Variants in PTPRM observed in about 807,000 individuals in gnomAD.
The protein encoded by PTPRM is receptor-type tyrosine-protein phosphatase mu.
A neutral mutation model predicts 186.7 loss-of-function variants in PTPRM; 47 were observed. The observed-to-expected ratio is 0.25, with a 90% CI of 0.20 to 0.32. The LOEUF is 0.32. Among genes scored for constraint, PTPRM ranks in the 10% least tolerant of loss-of-function variants. The pLI is 1.00. For missense variants in PTPRM, 1,494 were observed against 1,865.0 expected (o/e 0.80, Z 3.66); for synonymous variants, 668 against 674.9 (o/e 0.99, Z 0.16).
At chr18:8,031,053 G>A (rs1422396456) in intron 7 of PTPRM, among the ~76,000 whole-genome samples, 1 of 151,984 alleles carries the variant, frequency 6.6e-6, no homozygotes, top group African/African-American at 2.4e-5. Flanking sequence ...CTTGGAAAAC[G>A]GTTGCCCATT....
chr18:8,360,476 C>G (rs2095590662), intron 23 of PTPRM, among the ~76,000 whole-genome samples: 1 of 152,110 alleles, frequency 6.6e-6, no homozygotes, highest in Non-Finnish European at 1.5e-5. Context: ...TTGTAGAGCT[C>G]AGGACAAGGA....
chr18:8,008,333 A>G (rs1178076910), intron 7 of PTPRM, among the ~76,000 whole-genome samples: 1 of 152,208 alleles, frequency 6.6e-6, no homozygotes, highest in Non-Finnish European at 1.5e-5. Context: ...GACAAGACCA[A>G]CTATAGGAAA....
intron 19 of PTPRM, among the ~76,000 whole-genome samples, chr18:8,255,885 G>A (rs962660175): frequency 1.3e-5 from 2 of 152,112 alleles, no homozygotes; most frequent in African/African-American, 2.4e-5. Flanking sequence ...AGAAGGGGAC[G>A]CCCCCTAAGA....
At chr18:7,657,696 A>G (rs1337870539) in intron 1 of PTPRM, among the ~76,000 whole-genome samples, 3 of 152,244 alleles carry the variant, frequency 2.0e-5, no homozygotes, top group East Asian at 3.8e-4. Flanking sequence ...ATCATTCAAG[A>G]TGGACCGAAA....
At chr18:8,237,585 A>G (rs2147217196) in intron 14 of PTPRM, among the ~76,000 whole-genome samples, 1 of 151,984 alleles carries the variant, frequency 6.6e-6, no homozygotes, top group Admixed American at 6.6e-5. Context: ...AGTAGCTGAG[A>G]TTACAAGCAT....
intron 24 of PTPRM, among the ~76,000 whole-genome samples, chr18:8,372,777 G>A (rs2095671186): frequency 6.7e-6 from 1 of 149,980 alleles, no homozygotes; most frequent in African/African-American, 2.4e-5. Context: ...GAGCACTCAT[G>A]AATAACCGCA....
chr18:8,181,861 AAAAAAAAAAATACCTT>A (rs2093579997), intron 14 of PTPRM, among the ~76,000 whole-genome samples: 1 of 81,438 alleles, frequency 1.2e-5, no homozygotes, highest in Non-Finnish European at 2.8e-5. Context: ...TTAATACGTG[AAAAAAAAAAATACCTT>A]AAAAAAGAAA....
At chr18:7,596,316 C>T (rs755469171) in intron 1 of PTPRM, among the ~76,000 whole-genome samples, 1 of 152,138 alleles carries the variant, frequency 6.6e-6, no homozygotes, top group Non-Finnish European at 1.5e-5. Context: ...GAGATTTCAT[C>T]ACGCTACTCA....
chr18:8,215,450 A>T (rs182330872), intron 14 of PTPRM, among the ~76,000 whole-genome samples: 46 of 151,394 alleles, frequency 3.0e-4, no homozygotes, highest in African/African-American at 1.1e-3. Flanking sequence ...GTTCAGAGTC[A>T]TTCTGGTTTT....
At chr18:7,744,986 A>G (rs2040955665) in intron 1 of PTPRM, among the ~76,000 whole-genome samples, 1 of 152,192 alleles carries the variant, frequency 6.6e-6, no homozygotes, top group Non-Finnish European at 1.5e-5. Context: ...ATGAAATCAA[A>G]GGAATAATAA....
intron 1 of PTPRM, among the ~76,000 whole-genome samples, chr18:7,578,728 C>T (rs756269922): frequency 2.0e-5 from 3 of 151,986 alleles, no homozygotes; most frequent in Non-Finnish European, 4.4e-5. Context: ...CCACCTCAGC[C>T]TCCCAAAGTG....
At chr18:8,253,646 C>G (rs2094549469) in intron 19 of PTPRM, among the ~76,000 whole-genome samples, 1 of 152,152 alleles carries the variant, frequency 6.6e-6, no homozygotes. Flanking sequence ...AAATCCAGTC[C>G]TCCAGATCCA....
chr18:7,963,696 C>T (rs2053831334), intron 7 of PTPRM, among the ~76,000 whole-genome samples: 1 of 152,218 alleles, frequency 6.6e-6, no homozygotes. Context: ...AATGAGCCAT[C>T]TAACATGGGG....
chr18:7,583,585 A>G (rs2036901386), intron 1 of PTPRM, among the ~76,000 whole-genome samples: 2 of 152,354 alleles, frequency 1.3e-5, no homozygotes, highest in East Asian at 3.9e-4. Flanking sequence ...ACTTACTGCT[A>G]TTTTACAGCC....
At chr18:8,319,629 T>A (rs1282278721) in intron 22 of PTPRM, among the ~76,000 whole-genome samples, 1 of 152,188 alleles carries the variant, frequency 6.6e-6, no homozygotes, top group Non-Finnish European at 1.5e-5. Context: ...AGATGTGCAG[T>A]CACCTGTATG....
intron 7 of PTPRM, among the ~76,000 whole-genome samples, chr18:7,979,905 C>T (rs990127177): frequency 8.5e-5 from 13 of 152,222 alleles, no homozygotes; most frequent in African/African-American, 1.9e-4. Flanking sequence ...CACCTTGTCC[C>T]GCCCTGGGTT....
intron 2 of PTPRM, among the ~76,000 whole-genome samples, chr18:7,858,061 C>CCCTA (rs2047177171): frequency 6.6e-6 from 1 of 152,136 alleles, no homozygotes; most frequent in African/African-American, 2.4e-5. Context: ...GCAATTAAAT[C>CCCTA]AAAGCCCATT....
intron 4 of PTPRM, among the ~76,000 whole-genome samples, chr18:7,925,068 C>T (rs554845035): frequency 2.0e-5 from 3 of 152,124 alleles, no homozygotes; most frequent in Non-Finnish European, 4.4e-5. Context: ...CACATAAGTA[C>T]CCAATAAAGG....
Position 8,087,511 on chromosome 18 carries a change from A to C in PTPRM, c.1754-1238A>C, listed in dbSNP as rs551451901. Among the ~76,000 whole-genome samples, 4 of 152,232 alleles carry C rather than the reference A, an allele frequency of 2.6e-5. No individual in the cohort carries two copies. In the South Asian group the frequency reaches 8.3e-4, roughly 32 times the overall value. On this transcript the variant is annotated intron_variant, in intron 10 of 32. Coordinates refer to ENST00000580170, the MANE Select transcript of PTPRM (RefSeq NM_001105244.2). ...ACTTTCAGCATGCCAAGTTCAAATA[A>C]TTTTATTGAAAATCAAGCAACCTGA...
Sources: gnomAD v4.1 joint callset for allele counts (sites outside exome capture counted in the v4.1 genomes callset) on GRCh38, gnomAD v4.1.1 for gene constraint, MANE v1.5 for transcripts, NCBI Gene and HGNC (gene_info 2026-07-23, HGNC 2026-07-21) for gene names.